Variants in GALNT1 observed in about 807,000 individuals in gnomAD.
The protein encoded by GALNT1 is GalNAc transferase 1.
In GALNT1, 17 loss-of-function variants were observed where a neutral mutation model predicts 65.7. That is an observed-to-expected ratio of 0.26 (90% CI 0.18 to 0.39). GALNT1 has a LOEUF of 0.39. GALNT1 is among the 10% of genes least tolerant of loss of function. The pLI is 1.00. For synonymous variants in GALNT1, 210 were observed against 219.7 expected, an observed-to-expected ratio of 0.96 and a Z score of 0.39; for missense variants, 460 against 672.8, an observed-to-expected ratio of 0.68 and a Z score of 3.50.
chr18:35,711,014 C>T lies in GALNT1; in HGVS notation c.*1244C>T, dbSNP rs1733592226. On this transcript the variant is annotated 3_prime_UTR_variant, in exon 12 of 12. Transcript: ENST00000269195. Reference sequence around the variant, plus strand: ...ATGTTTAATTGGCATTTTTTAATGACTTAGCCAAAGAAGTGCAGCTATTAT... The same window carrying T: ...ATGTTTAATTGGCATTTTTTAATGATTTAGCCAAAGAAGTGCAGCTATTAT... 6.6e-6 allele frequency: 1 copy of T among 152,520 alleles called. No homozygotes were observed. 9.4% of individuals were successfully genotyped at this position (152,520 alleles called of 1,614,324 possible).
chr18:35,693,462 G>C lies in GALNT1; in HGVS notation c.1299+1142G>C, dbSNP rs1028943505. The stretch of plus-strand genomic sequence containing the variant: ...TTTTGCATTTTATTCTGAATCAAAT[G>C]GAAGCTATCGAAAGATACCAGCAAA... On this transcript the variant is annotated intron_variant, in intron 9 of 11. Transcript: ENST00000269195. Among the ~76,000 whole-genome samples the C allele has an allele frequency of 3.3e-5, 5 of 152,184 alleles. No homozygotes were observed. The South Asian group carries it at 1.0e-3, about 32-fold the overall frequency.
At chr18:35,686,687 CAT>C (rs1230105756) in intron 5 of GALNT1, among the ~76,000 whole-genome samples, 1 of 151,970 alleles carries the variant, frequency 6.6e-6, no homozygotes, top group East Asian at 1.9e-4. Context: ...TACTGTATAT[CAT>C]AGTTAAAATC....
intron 3 of GALNT1, among the ~76,000 whole-genome samples, chr18:35,666,566 T>TA (rs1449854649): frequency 3.9e-5 from 6 of 152,230 alleles, no homozygotes; most frequent in Non-Finnish European, 8.8e-5. Flanking sequence ...ATAACCCCCC[T>TA]AAGTATATCA....
At chr18:35,626,242 G>A (rs959829976) in intron 1 of GALNT1, among the ~76,000 whole-genome samples, 6 of 152,110 alleles carry the variant, frequency 3.9e-5, no homozygotes, top group African/African-American at 1.2e-4. Flanking sequence ...TTGCAAGCTC[G>A]TTGAGGATAG....
chr18:35,611,166 C>T (rs2046711277), intron 1 of GALNT1, among the ~76,000 whole-genome samples: 1 of 152,136 alleles, frequency 6.6e-6, no homozygotes, highest in South Asian at 2.1e-4. Flanking sequence ...AGTTCCAATG[C>T]ATAGAAAAGA....
intron 1 of GALNT1, among the ~76,000 whole-genome samples, chr18:35,610,911 T>G (rs374869817): frequency 6.6e-6 from 1 of 152,186 alleles, no homozygotes; most frequent in South Asian, 2.1e-4. Flanking sequence ...CTATTGATAC[T>G]GCATATCATG....
At chr18:35,631,119 G>A (rs1031487413) in intron 1 of GALNT1, among the ~76,000 whole-genome samples, 2 of 152,140 alleles carry the variant, frequency 1.3e-5, no homozygotes, top group African/African-American at 4.8e-5. Flanking sequence ...CATTCTACCA[G>A]AGGTACAAGG....
At position 35,709,985 on chromosome 18, in the gene GALNT1, CTG is replaced by C. The variant is rs1338050279; in HGVS notation, c.*218_*219del. On this transcript the variant is annotated 3_prime_UTR_variant, in exon 12 of 12. Transcript: ENST00000269195. ...GACGTGAAACTGCATAGTAATGAGACTGTGCACACTGATGTTTACAAGATTGA... is the reference window on the plus strand; with the variant it reads ...GACGTGAAACTGCATAGTAATGAGACTGCACACTGATGTTTACAAGATTGA... The C allele has an allele frequency of 2.0e-6, 1 of 505,282 alleles. No homozygotes were observed. The highest frequency in any genetic ancestry group is 3.5e-6 in the Non-Finnish European group (1 of 281,832). The allele number at this position is 505,282 out of a possible 1,614,324, so 31.3% of individuals were successfully genotyped here.
At chr18:35,599,364 C>CA (rs1341564316) in intron 1 of GALNT1, among the ~76,000 whole-genome samples, 7 of 105,124 alleles carry the variant, frequency 6.7e-5, no homozygotes, top group African/African-American at 2.9e-4. Flanking sequence ...ATGAGATTTA[C>CA]ACTTTTTTTT....
intron 5 of GALNT1, among the ~76,000 whole-genome samples, chr18:35,685,061 T>C (rs146755991): frequency 6.9e-4 from 105 of 152,080 alleles, no homozygotes; most frequent in African/African-American, 2.1e-3. Flanking sequence ...TTGTAAACAA[T>C]ATAGAAAAAG....
At position 35,691,511 on chromosome 18, in the gene GALNT1, C is replaced by A. The variant is rs568770934; in HGVS notation, c.1159+319C>A. Reference sequence around the variant, plus strand: ...AAGTTTCATCTTGTTAAATTTTCAGCCATTTTTCTAGCTTATATGACTTTT... The same window carrying A: ...AAGTTTCATCTTGTTAAATTTTCAGACATTTTTCTAGCTTATATGACTTTT... On this transcript the variant is annotated intron_variant, in intron 8 of 11. Coordinates refer to ENST00000269195, the MANE Select transcript of GALNT1 (RefSeq NM_020474.4). Among the ~76,000 whole-genome samples, 14 of 152,028 alleles carry A rather than the reference C, an allele frequency of 9.2e-5. No individual in the cohort carries two copies. In the East Asian group the frequency reaches 2.3e-3, roughly 25 times the overall value.
At chr18:35,619,778 A>T (rs1455762153) in intron 1 of GALNT1, among the ~76,000 whole-genome samples, 1 of 152,178 alleles carries the variant, frequency 6.6e-6, no homozygotes, top group Non-Finnish European at 1.5e-5. Context: ...TAGAGTATAC[A>T]TGTTGTCTCT....
chr18:35,663,492 C>T, intron 2 of GALNT1, 136 bp from the exon 3 acceptor site: 4 of 833,480 alleles, frequency 4.8e-6, no homozygotes, highest in Non-Finnish European at 7.4e-6. Flanking sequence ...AAAGGGTTAA[C>T]AGCCTAGGAG....
intron 3 of GALNT1, among the ~76,000 whole-genome samples, chr18:35,674,756 G>A (rs2047683763): frequency 1.3e-5 from 2 of 152,172 alleles, no homozygotes; most frequent in Non-Finnish European, 1.5e-5. Context: ...GGCCGAGGTG[G>A]GCAGATCACG....
chr18:35,597,761 A>G (rs1274725904), intron 1 of GALNT1, among the ~76,000 whole-genome samples: 1 of 152,210 alleles, frequency 6.6e-6, no homozygotes, highest in East Asian at 1.9e-4. Context: ...TACTTTTAAA[A>G]TAATAGTCAA....
rs549504566 is a variant in GALNT1, at chr18:35,693,735, T to C, written c.1299+1415T>C. Among the ~76,000 whole-genome samples, 30 of 152,298 alleles carry C rather than the reference T, an allele frequency of 2.0e-4. No homozygotes were observed. In the East Asian group the frequency reaches 5.8e-3, roughly 29 times the overall value. ...CCAAGTGAAGATATGAATAGGTCTTTACATTTAAGAATATTCACTTTGGGG... is the reference window on the plus strand; with the variant it reads ...CCAAGTGAAGATATGAATAGGTCTTCACATTTAAGAATATTCACTTTGGGG... On this transcript the variant is annotated intron_variant, in intron 9 of 11. Transcript: ENST00000269195.
chr18:35,642,471 T>C (rs1297053708), intron 1 of GALNT1, among the ~76,000 whole-genome samples: 2 of 152,286 alleles, frequency 1.3e-5, no homozygotes, highest in African/African-American at 4.8e-5. Context: ...AGAATAGGGA[T>C]TGCCTTTGAA....
chr18:35,620,724 GT>G (rs1174333161), intron 1 of GALNT1, among the ~76,000 whole-genome samples: 1 of 149,006 alleles, frequency 6.7e-6, no homozygotes, highest in African/African-American at 2.5e-5. Flanking sequence ...TAGTTTATTC[GT>G]TTTTCCTGCT....
At chr18:35,608,200 T>C (rs908122864) in intron 1 of GALNT1, among the ~76,000 whole-genome samples, 3 of 152,164 alleles carry the variant, frequency 2.0e-5, no homozygotes, top group African/African-American at 2.4e-5. Context: ...TCCTAAAATT[T>C]TGTGGGTTTT....
Sources: gnomAD v4.1 joint callset for allele counts (sites outside exome capture counted in the v4.1 genomes callset) on GRCh38, gnomAD v4.1.1 for gene constraint, MANE v1.5 for transcripts, NCBI Gene and HGNC (gene_info 2026-07-23, HGNC 2026-07-21) for gene names.